TBL1XR1: variants seen among roughly 807,000 people sequenced by gnomAD.
TBL1XR1 encodes the protein TBL1X/Y related 1, also known as F-box-like/WD repeat-containing protein TBL1XR1.
A neutral mutation model predicts 66.9 loss-of-function variants in TBL1XR1; 5 were observed. That is an observed-to-expected ratio of 0.07 (90% CI 0.04 to 0.16). The LOEUF is 0.16. TBL1XR1 is among the 10% of genes least tolerant of loss of function. TBL1XR1 has a pLI of 1.00. For synonymous variants in TBL1XR1, 210 were observed against 206.0 expected (o/e 1.02, Z -0.17); for missense variants, 238 against 623.2 (o/e 0.38, Z 6.58).
At chr3:177,098,208 G>A (rs919574416) in intron 2 of TBL1XR1, among the ~76,000 whole-genome samples, 20 of 134,708 alleles carry the variant, frequency 1.5e-4, no homozygotes, top group African/African-American at 2.7e-4. Context: ...ACGAAACTCC[G>A]TCTCAAAAAA....
At chr3:177,151,495 A>G (rs1357866908) in intron 1 of TBL1XR1, among the ~76,000 whole-genome samples, 1 of 152,150 alleles carries the variant, frequency 6.6e-6, no homozygotes, top group African/African-American at 2.4e-5. Context: ...AGGGACTTAG[A>G]CTGTACGCTC....
In TBL1XR1 at chr3:177,116,035, G is replaced by T. The variant is rs1726268128; in HGVS notation, c.-121-17494C>A. Among the ~76,000 whole-genome samples, 3 of 152,146 alleles carry T rather than the reference G, an allele frequency of 2.0e-5. No homozygotes were observed. In the South Asian group the frequency reaches 6.2e-4, roughly 32 times the overall value. On this transcript the variant is annotated intron_variant, in intron 1 of 15. Coordinates refer to ENST00000457928, the MANE Select transcript of TBL1XR1 (RefSeq NM_024665.7). ...GCAGCACTTCTTCCTGCTTAAATAT[G>T]ATGCCTCCTGCAGCAGTAGCCATTT... is the stretch of plus-strand genomic sequence containing the variant.
At chr3:177,087,077 A>T (rs1464420899) in intron 2 of TBL1XR1, 1 of 138,374 alleles carries the variant, frequency 7.2e-6, no homozygotes, top group Non-Finnish European at 1.6e-5. Context: ...GTGGAAGGAC[A>T]GACAGGCAGA....
chr3:177,038,993 G>C (rs1353965226), intron 10 of TBL1XR1, among the ~76,000 whole-genome samples: 1 of 152,106 alleles, frequency 6.6e-6, no homozygotes, highest in Non-Finnish European at 1.5e-5. Flanking sequence ...GCAACTTTTT[G>C]AATGCTAATA....
intron 1 of TBL1XR1, among the ~76,000 whole-genome samples, chr3:177,121,981 A>G (rs551742160): frequency 1.3e-5 from 2 of 152,306 alleles, no homozygotes; most frequent in South Asian, 2.1e-4. Context: ...CCTCATCCCA[A>G]TCCTACAAAT....
At position 177,047,818 on chromosome 3, in the gene TBL1XR1, T is replaced by G. The variant is rs1377993407; in HGVS notation, c.703-269A>C. The G allele has an allele frequency of 1.8e-5, 7 of 399,152 alleles. No homozygotes were observed. In the East Asian group the frequency reaches 2.8e-4, roughly 16 times the overall value. The allele number at this position is 399,152 out of a possible 1,614,324, so 24.7% of individuals were successfully genotyped here. A position where few individuals can be genotyped will look rare whatever the true frequency, so the allele number is the denominator to read the frequency against. On this transcript the variant is annotated intron_variant, in intron 7 of 15. Coordinates refer to ENST00000457928, the MANE Select transcript of TBL1XR1 (RefSeq NM_024665.7). ...CCAGGATCTACATCACCCCACCTCA[T>G]GCATGCCAAAAGTATTCTCACAGAC...
At chr3:177,174,903 C>T (rs1476819959) in intron 1 of TBL1XR1, among the ~76,000 whole-genome samples, 2 of 152,172 alleles carry the variant, frequency 1.3e-5, no homozygotes, top group Non-Finnish European at 2.9e-5. Context: ...TGTCCTTAGG[C>T]ACAGCAAAGA....
At chr3:177,124,099 T>C (rs1727318353) in intron 1 of TBL1XR1, among the ~76,000 whole-genome samples, 1 of 152,032 alleles carries the variant, frequency 6.6e-6, no homozygotes, top group Non-Finnish European at 1.5e-5. Context: ...AAGAACTAGA[T>C]CAAGCGATGA....
intron 1 of TBL1XR1, among the ~76,000 whole-genome samples, chr3:177,172,392 T>C (rs1049080230): frequency 1.4e-4 from 21 of 151,676 alleles, no homozygotes; most frequent in African/African-American, 5.1e-4. Flanking sequence ...ACAAATCTCC[T>C]GTAAAGAAAA....
At chr3:177,160,647 T>C (rs1732081304) in intron 1 of TBL1XR1, among the ~76,000 whole-genome samples, 1 of 152,094 alleles carries the variant, frequency 6.6e-6, no homozygotes, top group Non-Finnish European at 1.5e-5. Context: ...AGCTCTCGAT[T>C]ATTTTTTATT....
Position 177,046,205 on chromosome 3 carries a change from A to G in TBL1XR1, c.865-16T>C. 1 of 1,526,596 alleles carries G rather than the reference A, an allele frequency of 6.6e-7. No homozygotes were observed. Among genetic ancestry groups the G allele is most frequent in the South Asian group, 1.3e-5 (1 of 78,368 alleles). The allele number at this position is 1,526,596 out of a possible 1,614,324, so 94.6% of individuals were successfully genotyped here. A position where few individuals can be genotyped will look rare whatever the true frequency, so the allele number is the denominator to read the frequency against. On this transcript the variant is annotated splice_polypyrimidine_tract_variant and intron_variant, in intron 9 of 15. Coordinates refer to ENST00000457928, the MANE Select transcript of TBL1XR1 (RefSeq NM_024665.7). Reference sequence around the variant, plus strand: ...TAATTGTAGTCTGAGATTAAAAGGAAAAGAAAAATAAACTCATGGAAAGAA... The same window carrying G: ...TAATTGTAGTCTGAGATTAAAAGGAGAAGAAAAATAAACTCATGGAAAGAA...
chr3:177,057,135 T>G (rs1717905228), intron 3 of TBL1XR1, among the ~76,000 whole-genome samples: 1 of 152,156 alleles, frequency 6.6e-6, no homozygotes, highest in South Asian at 2.1e-4. Flanking sequence ...CATTACACAA[T>G]AAATTCAAGT....
intron 2 of TBL1XR1, among the ~76,000 whole-genome samples, chr3:177,097,066 G>A (rs1164677112): frequency 1.3e-5 from 2 of 151,932 alleles, no homozygotes; most frequent in Non-Finnish European, 2.9e-5. Context: ...TCAACATACT[G>A]AAAAAAATCC....
intron 2 of TBL1XR1, among the ~76,000 whole-genome samples, chr3:177,087,216 ACTT>A (rs1013073105): frequency 8.2e-6 from 1 of 121,566 alleles, no homozygotes; most frequent in African/African-American, 3.2e-5. Flanking sequence ...ATTTTTACTT[ACTT>A]TTTTATTTAA....
intron 10 of TBL1XR1, among the ~76,000 whole-genome samples, chr3:177,043,183 T>A (rs1715838615): frequency 1.3e-5 from 2 of 152,170 alleles, no homozygotes; most frequent in South Asian, 4.1e-4. Context: ...AGTTATCGGA[T>A]AATCTTCAAA....
chr3:177,195,588 ATTAT>A (rs1274188899), intron 1 of TBL1XR1: 1 of 151,988 alleles, frequency 6.6e-6, no homozygotes, highest in Non-Finnish European at 1.5e-5. Context: ...TGTAATCGAA[ATTAT>A]TTATTCCAAG....
intron 1 of TBL1XR1, among the ~76,000 whole-genome samples, chr3:177,144,487 C>T (rs1730007965): frequency 6.6e-6 from 1 of 151,816 alleles, no homozygotes; most frequent in Non-Finnish European, 1.5e-5. Context: ...GGCGCGGTGG[C>T]TCACGCCTGT....
At chr3:177,145,957 T>C (rs1730188593) in intron 1 of TBL1XR1, among the ~76,000 whole-genome samples, 2 of 152,172 alleles carry the variant, frequency 1.3e-5, no homozygotes, top group African/African-American at 2.4e-5. Context: ...CAAAAGTAAT[T>C]TGCATTCCTG....
At chr3:177,058,854 G>A (rs909800839) in intron 3 of TBL1XR1, among the ~76,000 whole-genome samples, 1 of 152,154 alleles carries the variant, frequency 6.6e-6, no homozygotes, top group African/African-American at 2.4e-5. Context: ...GCAGGAATGT[G>A]TAATACGAAT....
Sources: gnomAD v4.1 joint callset for allele counts (sites outside exome capture counted in the v4.1 genomes callset) on GRCh38, gnomAD v4.1.1 for gene constraint, MANE v1.5 for transcripts, NCBI Gene and HGNC (gene_info 2026-07-23, HGNC 2026-07-21) for gene names.